PHF10: variants seen among roughly 807,000 people sequenced by gnomAD.
PHF10 encodes the protein PHD finger protein 10, also known as BRG1-associated factor 45a.
A neutral mutation model predicts 68.5 loss-of-function variants in PHF10; 51 were observed. The observed-to-expected ratio is 0.74, with a 90% CI of 0.59 to 0.94. PHF10 has a LOEUF of 0.94. PHF10 is among the 40% of genes least tolerant of loss of function. The probability of loss-of-function intolerance (pLI) is 0.00; values close to 1 mark genes in which losing one functional copy is unlikely to be tolerated. For missense variants in PHF10, 460 were observed against 602.6 expected, an observed-to-expected ratio of 0.76 and a Z score of 2.48; for synonymous variants, 204 against 203.5, an observed-to-expected ratio of 1.00 and a Z score of -0.02.
chr6:169,721,111 C>A lies in PHF10; in HGVS notation c.88G>T (p.Asp30Tyr), dbSNP rs1441661583. The A allele has an allele frequency of 6.9e-7, 1 of 1,450,818 alleles. No homozygotes were observed. Among genetic ancestry groups the A allele is most frequent in the Non-Finnish European group, 9.5e-7 (1 of 1,058,066 alleles). The allele number at this position is 1,450,818 out of a possible 1,614,324, so 89.9% of individuals were successfully genotyped here. ...TCATTTGAATTATCTTCATTATCAT[C>A]CTATACATTTAAAAGATTCAAAAAT... is the stretch of plus-strand genomic sequence containing the variant. ...PATPGAQSPK[D>Y]DNEDNSNDGT... Residue 30 changes from aspartate to tyrosine, a missense_variant and splice_region_variant, in exon 2 of 12, where the codon GAT becomes TAT. Physicochemically the swap from Asp to Tyr is radical, Grantham distance 160. Transcript: ENST00000339209.
At position 169,718,604 on chromosome 6, in the gene PHF10, G is replaced by A. The variant is rs529067697; in HGVS notation, c.325+184C>T. Among the ~76,000 whole-genome samples the A allele has an allele frequency of 3.3e-5, 5 of 152,296 alleles. No homozygotes were observed. In the East Asian group the frequency reaches 9.6e-4, roughly 29 times the overall value. On this transcript the variant is annotated intron_variant, in intron 3 of 11. Coordinates refer to ENST00000339209, the MANE Select transcript of PHF10 (RefSeq NM_018288.4). ...GAGACAGCTAGCCCAGGAGTGCAAGGCTGCAGTGAGCTATAATCGCACCAG... is the reference window on the plus strand; with the variant it reads ...GAGACAGCTAGCCCAGGAGTGCAAGACTGCAGTGAGCTATAATCGCACCAG...
At chr6:169,720,026 A>G (rs997472514) in intron 2 of PHF10, among the ~76,000 whole-genome samples, 3 of 152,116 alleles carry the variant, frequency 2.0e-5, no homozygotes, top group African/African-American at 4.8e-5. Context: ...ACATGTCTCC[A>G]AAGAAGCTAT....
chr6:169,715,192 C>A (rs1366379852), intron 6 of PHF10, among the ~76,000 whole-genome samples: 1 of 151,946 alleles, frequency 6.6e-6, no homozygotes, highest in Non-Finnish European at 1.5e-5. Flanking sequence ...ACATGCAAAT[C>A]TCTTAAAAAC....
intron 9 of PHF10, chr6:169,708,442 G>C (rs1292800234): frequency 6.6e-6 from 1 of 151,918 alleles, no homozygotes; most frequent in South Asian, 2.1e-4. Context: ...CCTTTAGCTT[G>C]AAGTACCCTA....
intron 9 of PHF10, chr6:169,707,051 T>G (rs1788816979): frequency 6.6e-6 from 1 of 152,168 alleles, no homozygotes; most frequent in South Asian, 2.1e-4. Context: ...TTTGGCTTAT[T>G]TATTTAAAAA....
intron 2 of PHF10, chr6:169,719,392 C>A (rs902822792): frequency 6.5e-6 from 1 of 153,400 alleles, no homozygotes; most frequent in Admixed American, 6.5e-5. Context: ...ATATCATAAA[C>A]CGTAACTGTT....
chr6:169,706,328 C>T (rs1788788228), intron 9 of PHF10, among the ~76,000 whole-genome samples: 11 of 151,224 alleles, frequency 7.3e-5, no homozygotes, highest in Admixed American at 7.3e-4. Flanking sequence ...ATTCTCTTTG[C>T]ATGTCTAATA....
rs1789254666 is a variant in PHF10, at chr6:169,723,953, C to CCGCCGCCGCCGT, written c.-34_-23dup. On this transcript the variant is annotated 5_prime_UTR_variant, in exon 1 of 12. Coordinates refer to ENST00000339209, the MANE Select transcript of PHF10 (RefSeq NM_018288.4). ...CCATCAGCCCGAGCGCCCCGCGCCG[C>CCGCCGCCGCCGT]CGCCGCCGCCGTCGCCTCCGCCTTG... 1.2e-6 allele frequency: 1 copy of CCGCCGCCGCCGT among 825,158 alleles called. No individual in the cohort carries two copies. The highest frequency in any genetic ancestry group is 1.5e-6 in the Non-Finnish European group (1 of 684,720). 51.1% of individuals were successfully genotyped at this position (825,158 alleles called of 1,614,324 possible).
intron 10 of PHF10, 147 bp from the exon 11 acceptor site, chr6:169,705,468 A>C: frequency 1.4e-6 from 1 of 712,094 alleles, no homozygotes; most frequent in Non-Finnish European, 2.4e-6. Flanking sequence ...GTAGAGGAAA[A>C]CACATGGGCT....
At chr6:169,705,383 A>G (rs996328738) in intron 10 of PHF10, 62 bp from the exon 11 acceptor site, 45 of 1,162,286 alleles carry the variant, frequency 3.9e-5, no homozygotes, top group Non-Finnish European at 5.3e-5. Flanking sequence ...TATGGCACAT[A>G]AAATACTAGT....
chr6:169,715,393 C>A (rs1037042029), intron 6 of PHF10, among the ~76,000 whole-genome samples: 1 of 152,084 alleles, frequency 6.6e-6, no homozygotes, highest in African/African-American at 2.4e-5. Context: ...TGGTAAAACA[C>A]CATCTCTACT....
At chr6:169,710,080 A>G (rs920271394) in intron 9 of PHF10, 156 bp downstream of exon 9, 5 of 520,106 alleles carry the variant, frequency 9.6e-6, no homozygotes, top group South Asian at 1.0e-4. Context: ...CAAGGAAATA[A>G]AGCAAAAAAG....
Position 169,704,049 on chromosome 6 carries a change from G to A in PHF10, c.1451C>T (p.Thr484Ile), listed in dbSNP as rs1377997060. ...CCCCCTTCTGCCCACTTTCCTGGGT[G>A]TTGGGGGGGCCCGCTGACAACAGTC... is the stretch of plus-strand genomic sequence containing the variant. ...ICDCCQRAPP[T>I]PRKVGRRGKN... Residue 484 changes from threonine (T) to isoleucine (I), a missense_variant, in exon 12 of 12, where the codon ACA becomes ATA. Thr to Ile is a moderately conservative substitution (Grantham distance 89, BLOSUM62 -1). Coordinates refer to ENST00000339209, the MANE Select transcript of PHF10 (RefSeq NM_018288.4). The A allele has an allele frequency of 3.1e-6, 5 of 1,588,090 alleles. No individual in the cohort carries two copies. The highest frequency in any genetic ancestry group is 4.3e-6 in the Non-Finnish European group (5 of 1,173,138).
intron 9 of PHF10, chr6:169,707,213 C>T (rs900400912): frequency 9.2e-5 from 14 of 152,172 alleles, no homozygotes; most frequent in African/African-American, 3.1e-4. Context: ...TACCCTGCTC[C>T]CCCCAACAAA....
chr6:169,711,089 T>A (rs1788917742), intron 8 of PHF10, among the ~76,000 whole-genome samples: 1 of 152,194 alleles, frequency 6.6e-6, no homozygotes, highest in Admixed American at 6.5e-5. Flanking sequence ...AAACACACAC[T>A]GACTAGAAAC....
In PHF10 at chr6:169,724,138, C is replaced by T. The variant is rs1480393726; in HGVS notation, c.-207G>A. On this transcript the variant is annotated 5_prime_UTR_variant, in exon 1 of 12. Coordinates refer to ENST00000339209, the MANE Select transcript of PHF10 (RefSeq NM_018288.4). ...GCCGCCGCCACCGCCATGGCCGTCG[C>T]CAGCGCGCCGCCCGCGCGGGAGGGC... The T allele has an allele frequency of 6.9e-6, 1 of 145,178 alleles. No individual in the cohort carries two copies. The highest frequency in any genetic ancestry group is 1.5e-5 in the Non-Finnish European group (1 of 65,572). 9.0% of individuals were successfully genotyped at this position (145,178 alleles called of 1,614,324 possible).
chr6:169,711,538 G>A (rs1788926672), intron 8 of PHF10, among the ~76,000 whole-genome samples: 1 of 152,114 alleles, frequency 6.6e-6, no homozygotes, highest in African/African-American at 2.4e-5. Context: ...CATAATGTTG[G>A]ATTAGTTTAC....
At position 169,706,064 on chromosome 6, in the gene PHF10, G is replaced by C. The variant is rs1788775177; in HGVS notation, c.1114-340C>G. Among the ~76,000 whole-genome samples, 5 of 152,186 alleles carry C rather than the reference G, an allele frequency of 3.3e-5. No homozygotes were observed. The South Asian group carries it at 1.0e-3, about 32-fold the overall frequency. On this transcript the variant is annotated intron_variant, in intron 9 of 11. Transcript: ENST00000339209. ...TTAATTGGACAAGAAAATCCAAGTA[G>C]CAAATGACCATTATGTGTAAGACTT...
At chr6:169,706,519 T>C (rs1788794789) in intron 9 of PHF10, among the ~76,000 whole-genome samples, 1 of 152,108 alleles carries the variant, frequency 6.6e-6, no homozygotes, top group South Asian at 2.1e-4. Context: ...ATTTTAGACA[T>C]ATTTGGTTAC....
Sources: gnomAD v4.1 joint callset for allele counts (sites outside exome capture counted in the v4.1 genomes callset) on GRCh38, gnomAD v4.1.1 for gene constraint, MANE v1.5 for transcripts, NCBI Gene and HGNC (gene_info 2026-07-23, HGNC 2026-07-21) for gene names.